Variants in DNAH11 observed in about 807,000 individuals in gnomAD.
The protein encoded by DNAH11 is dynein axonemal heavy chain 11.
A neutral mutation model predicts 526.0 loss-of-function variants in DNAH11; 442 were observed. The ratio of observed to expected loss-of-function variants is 0.84; its 90% CI spans 0.78 to 0.91. The LOEUF (loss-of-function observed/expected upper bound fraction) is 0.91. DNAH11 is among the 40% of genes least tolerant of loss of function. DNAH11 has a pLI of 0.00. For missense variants in DNAH11, 6,989 were observed against 5,448.7 expected, an observed-to-expected ratio of 1.28 and a Z score of -8.90; for synonymous variants, 2,461 against 1,935.9, an observed-to-expected ratio of 1.27 and a Z score of -7.12.
intron 61 of DNAH11, among the ~76,000 whole-genome samples, chr7:21,797,783 AC>A: frequency 6.6e-6 from 1 of 152,282 alleles, no homozygotes; most frequent in African/African-American, 2.4e-5. Flanking sequence ...CCAAGGGCCA[AC>A]TTTTACCCAA....
intron 50 of DNAH11, 33 bp from the exon 51 acceptor site, chr7:21,744,837 A>G: frequency 6.3e-7 from 1 of 1,580,898 alleles, no homozygotes; most frequent in South Asian, 1.2e-5. Flanking sequence ...TGGATGGTTG[A>G]CATGCCATAT....
intron 61 of DNAH11, among the ~76,000 whole-genome samples, chr7:21,793,914 C>A (rs1271075138): frequency 1.3e-5 from 2 of 152,164 alleles, no homozygotes; most frequent in Non-Finnish European, 2.9e-5. Context: ...GTTAGATGTG[C>A]TCTTTTGAGG....
intron 54 of DNAH11, among the ~76,000 whole-genome samples, chr7:21,755,072 C>T (rs1242232793): frequency 3.3e-5 from 5 of 152,120 alleles, no homozygotes; most frequent in South Asian, 2.1e-4. Context: ...CCTGGCAGGT[C>T]GAGCTAAATG....
intron 65 of DNAH11, among the ~76,000 whole-genome samples, chr7:21,829,261 AT>A (rs1327137290): frequency 3.5e-5 from 5 of 141,784 alleles, no homozygotes; most frequent in Non-Finnish European, 7.7e-5. Flanking sequence ...AGGCTATATT[AT>A]TTGCTTATCT....
At position 21,564,383 on chromosome 7, in the gene DNAH11, C is replaced by T. The variant is rs369098179; in HGVS notation, c.1180C>T (p.Leu394Phe). The change falls in exon 6 of 82, where the codon CTC (leucine) becomes TTC (phenylalanine). Residue 394 changes from leucine (L) to phenylalanine (F), a missense_variant. Leu to Phe is a conservative substitution (Grantham distance 22, BLOSUM62 0). Transcript: ENST00000409508. ...AGTTTTATTGCAAGAGTTTTGTAAT[C>T]TCTTCATTAACCAGGTATGAAGCAT... Reference protein sequence around the residue: ...VIVLLQEFCNLFINQATAYLS... With the variant: ...VIVLLQEFCNFFINQATAYLS... The T allele has an allele frequency of 5.6e-6, 9 of 1,611,842 alleles. No homozygotes were observed. The highest frequency in any genetic ancestry group is 7.6e-6 in the Non-Finnish European group (9 of 1,178,932).
intron 69 of DNAH11, 129 bp downstream of exon 69, chr7:21,862,152 C>A: frequency 2.1e-6 from 2 of 943,158 alleles, no homozygotes; most frequent in Non-Finnish European, 3.0e-6. Flanking sequence ...CCCTTGGTGG[C>A]ATGAGGGGAA....
At chr7:21,689,496 C>T (rs926415895) in intron 34 of DNAH11, among the ~76,000 whole-genome samples, 16 of 152,328 alleles carry the variant, frequency 1.1e-4, no homozygotes, top group African/African-American at 3.8e-4. Flanking sequence ...ACAAAGCCTT[C>T]TAGTGCCTTG....
chr7:21,761,247 G>A (rs898284168), intron 54 of DNAH11, among the ~76,000 whole-genome samples: 2 of 152,188 alleles, frequency 1.3e-5, no homozygotes, highest in African/African-American at 2.4e-5. Context: ...AAATTATTGA[G>A]CAGTGAGTTG....
chr7:21,762,095 C>T (rs546753124), intron 54 of DNAH11, among the ~76,000 whole-genome samples: 1 of 152,252 alleles, frequency 6.6e-6, no homozygotes, highest in South Asian at 2.1e-4. Flanking sequence ...ATCATGAGAA[C>T]AGCATGGGGG....
At chr7:21,698,048 A>C in intron 35 of DNAH11, 27 bp from the exon 36 acceptor site, 1 of 1,588,266 alleles carries the variant, frequency 6.3e-7, no homozygotes. Context: ...TCACATTTTA[A>C]AACTAAAATT....
At position 21,591,512 on chromosome 7, in the gene DNAH11, G is replaced by A; in HGVS notation, c.2602G>A (p.Asp868Asn). Residue 868 changes from aspartate (D) to asparagine (N), a missense_variant, in exon 14 of 82, where the codon GAT (aspartate) becomes AAT (asparagine). Coordinates refer to ENST00000409508, the MANE Select transcript of DNAH11 (RefSeq NM_001277115.2). ...EAAFTLEDKGDLFTKKYKLIQ... is the reference protein window; with the variant it reads ...EAAFTLEDKGNLFTKKYKLIQ... ...AGCCTTCACCTTGGAGGACAAGGGT[G>A]ATTTGTTTACAAAAAAATACAAGTT... is the stretch of plus-strand genomic sequence containing the variant. The A allele has an allele frequency of 1.2e-6, 2 of 1,600,380 alleles. No individual in the cohort carries two copies. The highest frequency in any genetic ancestry group is 1.7e-6 in the Non-Finnish European group (2 of 1,170,314).
intron 62 of DNAH11, among the ~76,000 whole-genome samples, chr7:21,803,561 A>T (rs1789095737): frequency 6.6e-6 from 1 of 151,924 alleles, no homozygotes; most frequent in Non-Finnish European, 1.5e-5. Flanking sequence ...CTTTAGTCAG[A>T]ACTAGATAAA....
intron 62 of DNAH11, among the ~76,000 whole-genome samples, chr7:21,806,871 G>A (rs1789284530): frequency 6.6e-6 from 1 of 152,024 alleles, no homozygotes; most frequent in South Asian, 2.1e-4. Flanking sequence ...CATCCAACTA[G>A]CTATAAGGAC....
chr7:21,900,129 C>A lies in DNAH11; in HGVS notation c.13303+9C>A, dbSNP rs750461108. 3 of 1,603,324 alleles carry A rather than the reference C, an allele frequency of 1.9e-6. No homozygotes were observed. The highest frequency in any genetic ancestry group is 1.1e-5 in the South Asian group (1 of 89,486). ...CGGACTCTTCATGGAGGGTAAGACA[C>A]CCCAAGGGGTAAGTGGGGAACCTTT... is the stretch of plus-strand genomic sequence containing the variant. On this transcript the variant is annotated intron_variant, in intron 81 of 81. Coordinates refer to ENST00000409508, the MANE Select transcript of DNAH11 (RefSeq NM_001277115.2).
At chr7:21,874,132 C>T (rs1341133911) in intron 74 of DNAH11, among the ~76,000 whole-genome samples, 1 of 152,010 alleles carries the variant, frequency 6.6e-6, no homozygotes, top group Non-Finnish European at 1.5e-5. Context: ...ACTAGTATCT[C>T]TGACCACAGA....
At chr7:21,675,877 A>G (rs1000511256) in intron 30 of DNAH11, among the ~76,000 whole-genome samples, 4 of 151,764 alleles carry the variant, frequency 2.6e-5, no homozygotes, top group African/African-American at 4.9e-5. Flanking sequence ...TTTAGAATAA[A>G]TAGATAGGGG....
Position 21,601,522 on chromosome 7 carries a change from A to T in DNAH11, c.3552A>T (p.Arg1184Ser). The stretch of plus-strand genomic sequence containing the variant: ...TTCTGGCTGTAAGAAGCCGACAGAG[A>T]GCTACTGATGAACTCTTTGAACCTC... The part of the protein sequence containing the change: ...VHLLAVRSRQ[R>S]ATDELFEPLK... The change falls in exon 18 of 82, where the codon AGA becomes AGT. Residue 1184 changes from arginine (R) to serine (S), a missense_variant. By Grantham distance (110) the Arg-to-Ser change is moderately radical (BLOSUM62 -1). Transcript: ENST00000409508. The T allele has an allele frequency of 6.2e-7, 1 of 1,613,718 alleles. No individual in the cohort carries two copies. Among genetic ancestry groups the T allele is most frequent in the Non-Finnish European group, 8.5e-7 (1 of 1,179,772 alleles).
chr7:21,805,365 G>T (rs1006436399), intron 62 of DNAH11, among the ~76,000 whole-genome samples: 2 of 151,946 alleles, frequency 1.3e-5, no homozygotes, highest in Non-Finnish European at 2.9e-5. Context: ...TGGACTGCTT[G>T]ATCCCAAGCA....
At chr7:21,581,274 G>T (rs1365547234) in intron 8 of DNAH11, among the ~76,000 whole-genome samples, 1 of 152,146 alleles carries the variant, frequency 6.6e-6, no homozygotes, top group Non-Finnish European at 1.5e-5. Flanking sequence ...TTCTTTCACC[G>T]TTTCATTGTA....
Sources: gnomAD v4.1 joint callset for allele counts (sites outside exome capture counted in the v4.1 genomes callset) on GRCh38, gnomAD v4.1.1 for gene constraint, MANE v1.5 for transcripts, NCBI Gene and HGNC (gene_info 2026-07-23, HGNC 2026-07-21) for gene names.